Variants in MLYCD observed in about 807,000 individuals in gnomAD.
The protein encoded by MLYCD is malonyl-CoA decarboxylase, mitochondrial.
In MLYCD, 27 loss-of-function variants were observed where a neutral mutation model predicts 35.8. That is an observed-to-expected ratio of 0.75 (90% CI 0.56 to 1.04). The LOEUF (loss-of-function observed/expected upper bound fraction) is 1.04. Among genes scored for constraint, MLYCD ranks in the 50% least tolerant of loss-of-function variants. The pLI is 0.00. For missense variants in MLYCD, 917 were observed against 665.1 expected (o/e 1.38, Z -4.17); for synonymous variants, 403 against 302.4 (o/e 1.33, Z -3.45).
chr16:83,914,882 C>T (rs1907314872), intron 4 of MLYCD, 74 bp from the exon 5 acceptor site: 1 of 1,598,960 alleles, frequency 6.3e-7, no homozygotes. Context: ...TTAAGAGGTG[C>T]TCCTCTGTTG....
At chr16:83,903,310 C>G (rs750640316) in intron 1 of MLYCD, among the ~76,000 whole-genome samples, 1 of 152,104 alleles carries the variant, frequency 6.6e-6, no homozygotes, top group African/African-American at 2.4e-5. Context: ...TTGAGTACTC[C>G]TTGTTGGTTC....
chr16:83,908,173 G>A lies in MLYCD; in HGVS notation c.689G>A (p.Arg230His), dbSNP rs764539817. 8.1e-6 allele frequency: 13 copies of A among 1,614,078 alleles called. No individual in the cohort carries two copies. The highest frequency in any genetic ancestry group is 4.5e-5 in the East Asian group (2 of 44,892). Residue 230 changes from arginine (R) to histidine (H), a missense_variant, in exon 3 of 5, where the codon CGC becomes CAC. Physicochemically the swap from Arg to His is conservative, Grantham distance 29. Transcript: ENST00000262430. Reference protein sequence around the residue: ...PVKNWMDMKRRVGPYRRCYFF... With the variant: ...PVKNWMDMKRHVGPYRRCYFF... ...AAAAACTGGATGGACATGAAGCGCC[G>A]CGTTGGGCCCTACAGAAGGTGTTAC... is the stretch of plus-strand genomic sequence containing the variant.
Position 83,925,251 on chromosome 16 carries a change from C to T in MLYCD, c.*9762C>T, listed in dbSNP as rs1454532456. On this transcript the variant is annotated 3_prime_UTR_variant, in exon 5 of 5. Coordinates refer to ENST00000262430, the MANE Select transcript of MLYCD (RefSeq NM_012213.3). ...CCAAGGCTGAATGCAGATGCCCTCC[C>T]TCCAAAACCTGGCCTCCTCCAGCTG... is the stretch of plus-strand genomic sequence containing the variant. 1 of 152,850 alleles carries T rather than the reference C, an allele frequency of 6.5e-6. No homozygotes were observed. Among genetic ancestry groups the T allele is most frequent in the African/African-American group, 2.4e-5 (1 of 41,474 alleles). 9.5% of individuals were successfully genotyped at this position (152,850 alleles called of 1,614,324 possible). A position where few individuals can be genotyped will look rare whatever the true frequency, so the allele number is the denominator to read the frequency against.
chr16:83,915,739 G>T lies in MLYCD; in HGVS notation c.*250G>T. On this transcript the variant is annotated 3_prime_UTR_variant, in exon 5 of 5. Transcript: ENST00000262430. ...GTGGGTTGCTGTGCTGTCTCCGGAA[G>T]ATTCTGTCGTTGCCCTTGGCCTGGC... is the stretch of plus-strand genomic sequence containing the variant. The T allele has an allele frequency of 7.2e-7, 1 of 1,386,248 alleles. No individual in the cohort carries two copies. Among genetic ancestry groups the T allele is most frequent in the Non-Finnish European group, 9.4e-7 (1 of 1,067,282 alleles). 85.9% of individuals were successfully genotyped at this position (1,386,248 alleles called of 1,614,324 possible).
chr16:83,907,175 A>T (rs1489318282), intron 2 of MLYCD, 76 bp downstream of exon 2: 1 of 1,253,086 alleles, frequency 8.0e-7, no homozygotes, highest in African/African-American at 1.5e-5. Context: ...ATTGGCTAAA[A>T]GCTAATCTAT....
At position 83,915,622 on chromosome 16, in the gene MLYCD, C is replaced by T; in HGVS notation, c.*133C>T. 1 of 1,527,060 alleles carries T rather than the reference C, an allele frequency of 6.5e-7. No individual in the cohort carries two copies. The allele number at this position is 1,527,060 out of a possible 1,614,324, so 94.6% of individuals were successfully genotyped here. ...ACTGTGTTCTTGTCCCGCAGCCGGTCCACACTGTGAGGCCAGGCCTCAACT... is the reference window on the plus strand; with the variant it reads ...ACTGTGTTCTTGTCCCGCAGCCGGTTCACACTGTGAGGCCAGGCCTCAACT... On this transcript the variant is annotated 3_prime_UTR_variant, in exon 5 of 5. Transcript: ENST00000262430.
intron 1 of MLYCD, 151 bp downstream of exon 1, chr16:83,899,823 C>T (rs1906719145): frequency 9.9e-7 from 1 of 1,008,834 alleles, no homozygotes; most frequent in Non-Finnish European, 1.4e-6. Flanking sequence ...AACTGTGTCC[C>T]CTTCCCACGC....
rs1159709214 is a variant in MLYCD, at chr16:83,920,715, A to G, written c.*5226A>G. The G allele has an allele frequency of 6.6e-6, 1 of 152,198 alleles. No individual in the cohort carries two copies. The highest frequency in any genetic ancestry group is 6.5e-5 in the Admixed American group (1 of 15,270). 9.4% of individuals were successfully genotyped at this position (152,198 alleles called of 1,614,324 possible). A position where few individuals can be genotyped will look rare whatever the true frequency, so the allele number is the denominator to read the frequency against. ...TCACACCTCATCTCTCTAACCTCTTATGGAAAATTTCAAACATATGTAAAA... is the reference window on the plus strand; with the variant it reads ...TCACACCTCATCTCTCTAACCTCTTGTGGAAAATTTCAAACATATGTAAAA... On this transcript the variant is annotated 3_prime_UTR_variant, in exon 5 of 5. Transcript: ENST00000262430.
chr16:83,899,232 G>C lies in MLYCD; in HGVS notation c.88G>C (p.Gly30Arg). The C allele has an allele frequency of 8.0e-7, 1 of 1,247,142 alleles. No individual in the cohort carries two copies. The highest frequency in any genetic ancestry group is 1.0e-6 in the Non-Finnish European group (1 of 1,000,324). 77.3% of individuals were successfully genotyped at this position (1,247,142 alleles called of 1,614,324 possible). ...GCCGCCCGGGCCCCGGCTGGCGAGC[G>C]GGCAGGCGGCCGGCGCCCTGGAGCG... The part of the protein sequence containing the change: ...PRPPGPRLAS[G>R]QAAGALERAM... Residue 30 changes from glycine to arginine, a missense_variant, in exon 1 of 5, where the codon GGG becomes CGG. Transcript: ENST00000262430.
At chr16:83,911,299 T>A (rs1907172363) in intron 3 of MLYCD, among the ~76,000 whole-genome samples, 1 of 152,200 alleles carries the variant, frequency 6.6e-6, no homozygotes, top group Non-Finnish European at 1.5e-5. Context: ...TCAGAACAAT[T>A]TCAGAAAGTT....
At chr16:83,912,486 G>T in intron 4 of MLYCD, 119 bp downstream of exon 4, 2 of 1,395,366 alleles carry the variant, frequency 1.4e-6, no homozygotes, top group African/African-American at 1.4e-5. Context: ...AAAGGGAGGG[G>T]CAGGGGGTAG....
Position 83,915,641 on chromosome 16 carries a change from C to T in MLYCD, c.*152C>T. 7 of 1,513,422 alleles carry T rather than the reference C, an allele frequency of 4.6e-6. No homozygotes were observed. Among genetic ancestry groups the T allele is most frequent in the Non-Finnish European group, 5.3e-6 (6 of 1,134,584 alleles). 93.7% of individuals were successfully genotyped at this position (1,513,422 alleles called of 1,614,324 possible). A position where few individuals can be genotyped will look rare whatever the true frequency, so the allele number is the denominator to read the frequency against. ...GCCGGTCCACACTGTGAGGCCAGGC[C>T]TCAACTTCCCTCACCCTGGGCGTGA... On this transcript the variant is annotated 3_prime_UTR_variant, in exon 5 of 5. Coordinates refer to ENST00000262430, the MANE Select transcript of MLYCD (RefSeq NM_012213.3).
At position 83,899,163 on chromosome 16, in the gene MLYCD, G is replaced by C; in HGVS notation, c.19G>C (p.Gly7Arg). The stretch of plus-strand genomic sequence containing the variant: ...GGGCACCATGCGAGGCTTCGGGCCA[G>C]GCTTGACGGCCAGGCGTCTCCTCCC... The part of the protein sequence containing the change: MRGFGP[G>R]LTARRLLPLR... Residue 7 changes from glycine (G) to arginine (R), a missense_variant, in exon 1 of 5, where the codon GGC (glycine) becomes CGC (arginine). By Grantham distance (125) the Gly-to-Arg change is moderately radical. Transcript: ENST00000262430. 4.3e-6 allele frequency: 5 copies of C among 1,158,180 alleles called. No homozygotes were observed. The highest frequency in any genetic ancestry group is 5.3e-6 in the Non-Finnish European group (5 of 943,680). The allele number at this position is 1,158,180 out of a possible 1,614,324, so 71.7% of individuals were successfully genotyped here.
At position 83,926,742 on chromosome 16, in the gene MLYCD, A is replaced by C. The variant is rs865842363; in HGVS notation, c.*11253A>C. 6.6e-6 allele frequency: 1 copy of C among 152,264 alleles called. No homozygotes were observed. Among genetic ancestry groups the C allele is most frequent in the South Asian group, 2.1e-4 (1 of 4,838 alleles). The allele number at this position is 152,264 out of a possible 1,614,324, so 9.4% of individuals were successfully genotyped here. Reference sequence around the variant, plus strand: ...GCCGCATGGCAGGCTCTTTACGGACAGCGCAGGGACGCACTTTGATGCTGA... The same window carrying C: ...GCCGCATGGCAGGCTCTTTACGGACCGCGCAGGGACGCACTTTGATGCTGA... On this transcript the variant is annotated 3_prime_UTR_variant, in exon 5 of 5. Coordinates refer to ENST00000262430, the MANE Select transcript of MLYCD (RefSeq NM_012213.3).
chr16:83,900,549 G>C (rs968735463), intron 1 of MLYCD, among the ~76,000 whole-genome samples: 3 of 150,722 alleles, frequency 2.0e-5, no homozygotes, highest in African/African-American at 7.3e-5. Flanking sequence ...CTGAGTAGCT[G>C]GGACTACAGG....
Position 83,925,479 on chromosome 16 carries a change from C to T in MLYCD, c.*9990C>T, listed in dbSNP as rs1324585547. On this transcript the variant is annotated 3_prime_UTR_variant, in exon 5 of 5. Coordinates refer to ENST00000262430, the MANE Select transcript of MLYCD (RefSeq NM_012213.3). The stretch of plus-strand genomic sequence containing the variant: ...CTAACCTCGCAGGTGCTCTGCCCAC[C>T]TGCCTACGCCAGACTCTTCCAGATC... 6.6e-6 allele frequency: 1 copy of T among 152,348 alleles called. No homozygotes were observed. The highest frequency in any genetic ancestry group is 1.5e-5 in the Non-Finnish European group (1 of 68,148). The allele number at this position is 152,348 out of a possible 1,614,324, so 9.4% of individuals were successfully genotyped here.
intron 1 of MLYCD, among the ~76,000 whole-genome samples, chr16:83,902,024 A>G (rs1192978235): frequency 2.0e-5 from 3 of 151,718 alleles, no homozygotes; most frequent in Non-Finnish European, 4.4e-5. Context: ...CCCCAGCCTT[A>G]TATTCAGTGC....
intron 1 of MLYCD, among the ~76,000 whole-genome samples, chr16:83,905,056 A>G (rs1353602951): frequency 2.6e-5 from 4 of 152,192 alleles, no homozygotes; most frequent in Non-Finnish European, 4.4e-5. Context: ...TCAGGCGTCA[A>G]AGTTCTGAGT....
chr16:83,903,828 A>T (rs1906881315), intron 1 of MLYCD, among the ~76,000 whole-genome samples: 1 of 152,186 alleles, frequency 6.6e-6, no homozygotes, highest in Non-Finnish European at 1.5e-5. Flanking sequence ...CCTTAGCATC[A>T]CCAGGATATT....
Sources: gnomAD v4.1 joint callset for allele counts (sites outside exome capture counted in the v4.1 genomes callset) on GRCh38, gnomAD v4.1.1 for gene constraint, MANE v1.5 for transcripts, NCBI Gene and HGNC (gene_info 2026-07-23, HGNC 2026-07-21) for gene names.